TBC1D19: variants seen among roughly 807,000 people sequenced by gnomAD.
TBC1D19 encodes the protein TBC1 domain family, member 19.
In TBC1D19, 60 loss-of-function variants were observed where a neutral mutation model predicts 89.0. That is an observed-to-expected ratio of 0.67 (90% CI 0.55 to 0.84). The LOEUF (loss-of-function observed/expected upper bound fraction) is 0.84, where lower values mean the gene tolerates loss of function less well. Ranked by LOEUF, TBC1D19 falls within the 40% of genes least tolerant of loss-of-function variation. The pLI, the probability that TBC1D19 is intolerant of heterozygous loss-of-function variation, is 0.00. For missense variants in TBC1D19, 500 were observed against 610.8 expected, an observed-to-expected ratio of 0.82 and a Z score of 1.91; for synonymous variants, 189 against 199.7, an observed-to-expected ratio of 0.95 and a Z score of 0.45.
the TBC1D19 span, among the ~76,000 whole-genome samples, chr4:26,791,661 G>A: frequency 1.3e-5 from 2 of 152,204 alleles, no homozygotes; most frequent in Non-Finnish European, 2.9e-5. Context: ...ATAAAGCCGA[G>A]ACAATTTTCT....
At chr4:26,778,420 A>C in the TBC1D19 span, among the ~76,000 whole-genome samples, 1 of 148,214 alleles carries the variant, frequency 6.7e-6, no homozygotes, top group Admixed American at 6.7e-5. Flanking sequence ...CATCTCAAAA[A>C]AAAGAAAGAA....
chr4:26,616,741 T>G (rs1741726406), intron 3 of TBC1D19, among the ~76,000 whole-genome samples: 1 of 152,192 alleles, frequency 6.6e-6, no homozygotes, highest in South Asian at 2.1e-4. Flanking sequence ...ACTAGAAAAT[T>G]TTCTGTATTT....
intron 15 of TBC1D19, among the ~76,000 whole-genome samples, chr4:26,731,893 C>T (rs1717683498): frequency 2.6e-5 from 4 of 151,630 alleles, no homozygotes; most frequent in African/African-American, 7.3e-5. Context: ...TTTGAGGATA[C>T]ATAATAAGGA....
chr4:26,593,970 C>T (rs1321863777), intron 1 of TBC1D19, among the ~76,000 whole-genome samples: 3 of 152,140 alleles, frequency 2.0e-5, no homozygotes, highest in African/African-American at 7.2e-5. Context: ...TACCATTTGA[C>T]CCAGCCATCC....
At chr4:26,667,909 T>G (rs1174532082) in intron 9 of TBC1D19, among the ~76,000 whole-genome samples, 2 of 152,074 alleles carry the variant, frequency 1.3e-5, no homozygotes, top group Non-Finnish European at 2.9e-5. Flanking sequence ...TTCATCTTTG[T>G]CTTAGTCAAT....
chr4:26,585,160 A>G (rs992753261), intron 1 of TBC1D19: 2 of 447,098 alleles, frequency 4.5e-6, no homozygotes, highest in Non-Finnish European at 4.5e-6. Context: ...ATAAATACCT[A>G]GGATTGGAAT....
chr4:26,834,618 T>C, the TBC1D19 span, among the ~76,000 whole-genome samples: 1 of 152,074 alleles, frequency 6.6e-6, no homozygotes, highest in African/African-American at 2.4e-5. Flanking sequence ...GAAGTGGAGA[T>C]GGGAGACTCT....
At chr4:26,715,495 T>G (rs913349974) in intron 13 of TBC1D19, among the ~76,000 whole-genome samples, 4 of 152,102 alleles carry the variant, frequency 2.6e-5, no homozygotes, top group South Asian at 2.1e-4. Flanking sequence ...GCGAGTGCTC[T>G]TGGAATCAAC....
At chr4:26,627,572 G>C (rs1742506182) in intron 4 of TBC1D19, among the ~76,000 whole-genome samples, 1 of 152,076 alleles carries the variant, frequency 6.6e-6, no homozygotes, top group Non-Finnish European at 1.5e-5. Flanking sequence ...ACTTTTTAAT[G>C]ATTGCCATTC....
intron 7 of TBC1D19, among the ~76,000 whole-genome samples, chr4:26,656,448 T>C (rs1744813919): frequency 6.6e-6 from 1 of 152,228 alleles, no homozygotes; most frequent in Non-Finnish European, 1.5e-5. Context: ...CATTATTTCT[T>C]TATGATCCTA....
intron 18 of TBC1D19, among the ~76,000 whole-genome samples, chr4:26,745,538 C>A (rs528466798): frequency 1.8e-3 from 184 of 104,142 alleles, no homozygotes; most frequent in Non-Finnish European, 2.9e-3. Context: ...GATGGAGTCT[C>A]ACTCTGTCAC....
At chr4:26,850,557 A>AAAAAAG in the TBC1D19 span, among the ~76,000 whole-genome samples, 2 of 148,932 alleles carry the variant, frequency 1.3e-5, no homozygotes, top group African/African-American at 5.0e-5. Flanking sequence ...AAAAAAAAAA[A>AAAAAAG]AAAAAGAAGA....
rs563555934 is a variant in TBC1D19 at position 26,747,594 on chromosome 4, C to T, written c.1320-817C>T. 2.1e-3 allele frequency among the ~76,000 whole-genome samples: 320 copies of T among 152,222 alleles called. 3 individuals are homozygous for T. The highest frequency in any genetic ancestry group is 7.5e-3 in the African/African-American group (311 of 41,538). ...TGTTTATTGACAAAATATGATAATT[C>T]CAGCAAACAGTTTAGCTAGTACCTG... On this transcript the variant is annotated intron_variant, in intron 18 of 20. Transcript: ENST00000264866.
chr4:26,694,273 C>G (rs1457764640), intron 13 of TBC1D19, among the ~76,000 whole-genome samples: 1 of 152,192 alleles, frequency 6.6e-6, no homozygotes, highest in African/African-American at 2.4e-5. Context: ...CTCGAGGGTC[C>G]TACGCCCACA....
At chr4:26,735,313 A>G (rs1469054851) in intron 15 of TBC1D19, 142 bp from the exon 16 acceptor site, 1 of 619,588 alleles carries the variant, frequency 1.6e-6, no homozygotes, top group Non-Finnish European at 2.8e-6. Context: ...ATTGTTTACT[A>G]TCACTAAGTC....
At chr4:26,851,776 G>A in the TBC1D19 span, among the ~76,000 whole-genome samples, 1 of 152,084 alleles carries the variant, frequency 6.6e-6, no homozygotes, top group Admixed American at 6.5e-5. Flanking sequence ...GAGTGCAATG[G>A]TACGATCTTG....
chr4:26,646,369 G>A (rs1743950113), intron 7 of TBC1D19, among the ~76,000 whole-genome samples: 1 of 151,504 alleles, frequency 6.6e-6, no homozygotes, highest in African/African-American at 2.4e-5. Context: ...TATTGGTAGT[G>A]TAAACTAGTT....
intron 13 of TBC1D19, among the ~76,000 whole-genome samples, chr4:26,709,408 G>C (rs1352629151): frequency 2.0e-5 from 3 of 152,022 alleles, no homozygotes; most frequent in Non-Finnish European, 4.4e-5. Flanking sequence ...CAGCCAGAGG[G>C]GAAGGGGCTT....
chr4:26,696,537 C>A lies in TBC1D19; in HGVS notation c.954+8130C>A, dbSNP rs1380094252. ...CAGACATCTGCAGAACTCTCCACCC[C>A]AACTCAACAGAATATACATTCTTCT... On this transcript the variant is annotated intron_variant, in intron 13 of 20. Transcript: ENST00000264866. Among the ~76,000 whole-genome samples, 4 of 152,334 alleles carry A rather than the reference C, an allele frequency of 2.6e-5. No individual in the cohort carries two copies. The East Asian group carries it at 7.7e-4, about 29-fold the overall frequency.
Sources: allele counts gnomAD v4.1 joint callset (sites outside exome capture counted in the v4.1 genomes callset), GRCh38; gene constraint gnomAD v4.1.1; transcripts MANE v1.5; gene names NCBI Gene and HGNC (gene_info 2026-07-23, HGNC 2026-07-21).